DOCK1: variants seen among roughly 807,000 people sequenced by gnomAD.
DOCK1 encodes the protein dedicator of cytokinesis 1.
A neutral mutation model predicts 262.7 loss-of-function variants in DOCK1; 138 were observed. The ratio of observed to expected loss-of-function variants is 0.53; its 90% CI spans 0.46 to 0.61. DOCK1 has a LOEUF of 0.61. Among genes scored for constraint, DOCK1 ranks in the 20% least tolerant of loss-of-function variants. The pLI is 0.00. For missense variants in DOCK1, 1,908 were observed against 2,370.7 expected (o/e 0.80, Z 4.05); for synonymous variants, 866 against 867.4 (o/e 1.00, Z 0.03).
At chr10:127,023,146 A>G (rs1276371327) in intron 13 of DOCK1, 54 bp from the exon 14 acceptor site, 24 of 1,595,768 alleles carry the variant, frequency 1.5e-5, no homozygotes, top group Middle Eastern at 1.7e-4. Flanking sequence ...AAAATTCACA[A>G]TTACGCTATT....
At chr10:127,364,671 G>GT (rs962797858) in intron 33 of DOCK1, among the ~76,000 whole-genome samples, 1 of 152,150 alleles carries the variant, frequency 6.6e-6, no homozygotes, top group African/African-American at 2.4e-5. Context: ...GCCCTAGGCA[G>GT]TTTTTTATAA....
At chr10:127,314,772 G>A (rs983086367) in intron 29 of DOCK1, among the ~76,000 whole-genome samples, 1 of 152,200 alleles carries the variant, frequency 6.6e-6, no homozygotes, top group African/African-American at 2.4e-5. Flanking sequence ...GTCTGTCAGT[G>A]TCTGGAAGCT....
At chr10:127,035,359 A>G (rs535777464) in intron 18 of DOCK1, among the ~76,000 whole-genome samples, 11 of 152,290 alleles carry the variant, frequency 7.2e-5, no homozygotes, top group African/African-American at 2.6e-4. Flanking sequence ...CCTCTTCTCA[A>G]TTAACTGACT....
chr10:127,325,026 C>T (rs1290199668), intron 29 of DOCK1, among the ~76,000 whole-genome samples: 5 of 152,178 alleles, frequency 3.3e-5, no homozygotes, highest in African/African-American at 7.2e-5. Context: ...ATCCAATCCA[C>T]GCACAGCCCG....
chr10:127,245,051 C>T (rs2059385930), intron 27 of DOCK1, among the ~76,000 whole-genome samples: 3 of 152,198 alleles, frequency 2.0e-5, no homozygotes, highest in Admixed American at 6.5e-5. Flanking sequence ...CATAAATACC[C>T]GTTTTATCCA....
intron 22 of DOCK1, 109 bp downstream of exon 22, chr10:127,052,924 C>G: frequency 1.4e-6 from 2 of 1,464,910 alleles, no homozygotes; most frequent in Admixed American, 2.3e-5. Flanking sequence ...TCTTCTTCCC[C>G]CTTTTTCCCC....
chr10:127,154,767 A>G (rs1341627031), intron 27 of DOCK1, among the ~76,000 whole-genome samples: 3 of 152,168 alleles, frequency 2.0e-5, no homozygotes, highest in Admixed American at 6.5e-5. Context: ...CCCCTAATTA[A>G]AAAATTAATA....
At chr10:127,278,408 A>T (rs981713464) in intron 29 of DOCK1, among the ~76,000 whole-genome samples, 3 of 152,086 alleles carry the variant, frequency 2.0e-5, no homozygotes, top group African/African-American at 7.2e-5. Context: ...TTTTATTAAG[A>T]TCTGAGGGGA....
In DOCK1 at chr10:127,052,560, A is replaced by T. The variant is rs909035130; in HGVS notation, c.2202-121A>T. The T allele has an allele frequency of 4.4e-6, 6 of 1,366,010 alleles. No homozygotes were observed. The African/African-American group carries it at 5.9e-5, about 13-fold the overall frequency. 84.6% of individuals were successfully genotyped at this position (1,366,010 alleles called of 1,614,324 possible). A position where few individuals can be genotyped will look rare whatever the true frequency, so the allele number is the denominator to read the frequency against. ...AAAAAAGAGAAAACGTTTTACAGAT[A>T]TTCATATACTGATAGATGGAAACCA... On this transcript the variant is annotated intron_variant, in intron 21 of 51. Coordinates refer to ENST00000623213, the MANE Select transcript of DOCK1 (RefSeq NM_001290223.2).
intron 27 of DOCK1, among the ~76,000 whole-genome samples, chr10:127,200,737 T>C (rs1412194655): frequency 6.6e-6 from 1 of 152,200 alleles, no homozygotes; most frequent in African/African-American, 2.4e-5. Flanking sequence ...GGAACGCCTT[T>C]GTTCTCAGGA....
intron 15 of DOCK1, chr10:127,026,145 G>C (rs1265179209): frequency 7.1e-6 from 4 of 562,166 alleles, no homozygotes; most frequent in African/African-American, 1.9e-5. Flanking sequence ...CACGGAGTCA[G>C]TTGGCTTGGC....
intron 27 of DOCK1, chr10:127,192,741 C>T (rs1172434226): frequency 6.6e-6 from 1 of 152,190 alleles, no homozygotes; most frequent in Non-Finnish European, 1.5e-5. Context: ...CTGAAACAGA[C>T]ACATTATCAC....
intron 1 of DOCK1, among the ~76,000 whole-genome samples, chr10:126,946,141 A>G (rs1487958440): frequency 6.6e-6 from 1 of 152,166 alleles, no homozygotes; most frequent in African/African-American, 2.4e-5. Context: ...TTCCCCTTTA[A>G]CCCTTTAAAA....
At chr10:127,365,167 A>G (rs2064835003) in intron 33 of DOCK1, among the ~76,000 whole-genome samples, 1 of 152,248 alleles carries the variant, frequency 6.6e-6, no homozygotes, top group African/African-American at 2.4e-5. Context: ...TCCATCGCCT[A>G]TAAATGGGCA....
chr10:127,049,393 C>T (rs2044562615), intron 21 of DOCK1, among the ~76,000 whole-genome samples: 1 of 152,020 alleles, frequency 6.6e-6, no homozygotes, highest in South Asian at 2.1e-4. Context: ...TGGTGGTGGG[C>T]ACCTGTAATC....
In DOCK1 at chr10:127,190,828, A is replaced by G. The variant is rs374645770; in HGVS notation, c.2848-57180A>G. On this transcript the variant is annotated intron_variant, in intron 27 of 51. Coordinates refer to ENST00000623213, the MANE Select transcript of DOCK1 (RefSeq NM_001290223.2). ...AAGGTTTTACTCATAGCTGCCCCCT[A>G]ACTTACTTCCCAGTGCTACTGAGAC... Among the ~76,000 whole-genome samples, 17 of 151,674 alleles carry G rather than the reference A, an allele frequency of 1.1e-4. No homozygotes were observed. The East Asian group carries it at 2.9e-3, about 26-fold the overall frequency.
chr10:127,025,971 G>A (rs936615162), intron 15 of DOCK1: 7 of 223,618 alleles, frequency 3.1e-5, no homozygotes, highest in African/African-American at 1.2e-4. Context: ...CAGGAGAATC[G>A]CTTGAACGCA....
At position 126,905,482 on chromosome 10, in the gene DOCK1, G is replaced by T. The variant is rs980269585; in HGVS notation, c.-36G>T. The stretch of plus-strand genomic sequence containing the variant: ...TGGAAAATGGCGGCCTAGACGCGGA[G>T]TTTCCTGCCCGACCCGCGGCGGCTC... On this transcript the variant is annotated 5_prime_UTR_variant, in exon 1 of 52. Transcript: ENST00000623213. 4 of 528,000 alleles carry T rather than the reference G, an allele frequency of 7.6e-6. No individual in the cohort carries two copies. Among genetic ancestry groups the T allele is most frequent in the Admixed American group, 3.1e-5 (1 of 32,468 alleles). 32.7% of individuals were successfully genotyped at this position (528,000 alleles called of 1,614,324 possible). A position where few individuals can be genotyped will look rare whatever the true frequency, so the allele number is the denominator to read the frequency against.
At chr10:127,407,932 G>A (rs1324718848) in intron 40 of DOCK1, among the ~76,000 whole-genome samples, 1 of 152,116 alleles carries the variant, frequency 6.6e-6, no homozygotes, top group Non-Finnish European at 1.5e-5. Context: ...AGCCCCAGAT[G>A]GGACAGGATG....
Sources: allele counts gnomAD v4.1 joint callset (sites outside exome capture counted in the v4.1 genomes callset), GRCh38; gene constraint gnomAD v4.1.1; transcripts MANE v1.5; gene names NCBI Gene and HGNC (gene_info 2026-07-23, HGNC 2026-07-21).